CAST: variants seen among roughly 807,000 people sequenced by gnomAD.
CAST encodes the protein MIR583 host.
Under a neutral mutation model 119.6 loss-of-function variants are expected in CAST, and 76 were observed. The ratio of observed to expected loss-of-function variants is 0.64; its 90% confidence interval spans 0.53 to 0.77. The LOEUF (loss-of-function observed/expected upper bound fraction) is 0.77, where lower values mean the gene tolerates loss of function less well. Ranked by LOEUF, CAST falls within the 30% of genes least tolerant of loss-of-function variation. CAST has a pLI of 0.00. For missense variants in CAST, 953 were observed against 946.5 expected, an observed-to-expected ratio of 1.01 and a Z score of -0.09; for synonymous variants, 319 against 331.6, an observed-to-expected ratio of 0.96 and a Z score of 0.41.
chr5:96,398,725 AAC>A, the CAST span, among the ~76,000 whole-genome samples: 1 of 152,046 alleles, frequency 6.6e-6, no homozygotes, highest in Non-Finnish European at 1.5e-5. Flanking sequence ...AGGGAGATCT[AAC>A]ACCAAGAAAA....
chr5:96,170,454 T>C, the CAST span, among the ~76,000 whole-genome samples: 5 of 152,198 alleles, frequency 3.3e-5, no homozygotes, highest in African/African-American at 1.2e-4. Flanking sequence ...GGCAAGGAAT[T>C]GCAACTCAGA....
chr5:96,617,585 C>T (rs569055924), intron 1 of CAST, among the ~76,000 whole-genome samples: 197 of 151,690 alleles, frequency 1.3e-3, no homozygotes, highest in South Asian at 2.3e-3. Flanking sequence ...GTCAGGAGAT[C>T]GAGACCATCC....
At chr5:96,455,682 C>T in the CAST span, among the ~76,000 whole-genome samples, 1 of 152,208 alleles carries the variant, frequency 6.6e-6, no homozygotes, top group Non-Finnish European at 1.5e-5. Context: ...TCCCTCAGCT[C>T]CCAACCCTCT....
chr5:96,298,364 C>CCAATAA, the CAST span, among the ~76,000 whole-genome samples: 2 of 152,222 alleles, frequency 1.3e-5, no homozygotes, highest in Middle Eastern at 3.4e-3. Flanking sequence ...ATAAATTAAT[C>CCAATAA]TTTGTTTCAA....
chr5:96,330,923 C>G, the CAST span, among the ~76,000 whole-genome samples: 1 of 152,094 alleles, frequency 6.6e-6, no homozygotes, highest in African/African-American at 2.4e-5. Flanking sequence ...AAAGCAGTAA[C>G]TTCTGTGCTC....
At chr5:96,047,602 A>G in the CAST span, among the ~76,000 whole-genome samples, 3 of 152,216 alleles carry the variant, frequency 2.0e-5, no homozygotes, top group Admixed American at 6.5e-5. Flanking sequence ...ATAGGTGGGC[A>G]CTTTGAATAC....
At chr5:95,974,959 G>A in the CAST span, among the ~76,000 whole-genome samples, 1 of 152,142 alleles carries the variant, frequency 6.6e-6, no homozygotes, top group Non-Finnish European at 1.5e-5. Flanking sequence ...AATAACAATT[G>A]TCCTTACTTT....
At chr5:96,283,137 A>AAAAAAAAAAAAAG in the CAST span, among the ~76,000 whole-genome samples, 4 of 132,988 alleles carry the variant, frequency 3.0e-5, no homozygotes, top group African/African-American at 1.2e-4. Flanking sequence ...CTCAAAAAAA[A>AAAAAAAAAAAAAG]AAAAAAAAGA....
the CAST span, among the ~76,000 whole-genome samples, chr5:96,490,397 T>C: frequency 6.6e-6 from 1 of 151,364 alleles, no homozygotes; most frequent in Non-Finnish European, 1.5e-5. Context: ...AACAGACAAA[T>C]TGATATAGTA....
intron 1 of CAST, chr5:96,662,852 T>A (rs1343498968): frequency 2.5e-5 from 14 of 554,666 alleles, no homozygotes; most frequent in Non-Finnish European, 6.3e-6. Context: ...GACAGCGGGA[T>A]GTAGTCTTCC....
chr5:96,672,147 G>A (rs1750149953), intron 1 of CAST, among the ~76,000 whole-genome samples: 1 of 152,006 alleles, frequency 6.6e-6, no homozygotes, highest in African/African-American at 2.4e-5. Flanking sequence ...AAAAGTTTAG[G>A]GTTAAAATTT....
the CAST span, among the ~76,000 whole-genome samples, chr5:96,182,012 T>C: frequency 3.3e-5 from 5 of 152,380 alleles, no homozygotes; most frequent in East Asian, 5.8e-4. Flanking sequence ...ATAAGAGCTA[T>C]GTTAAATTCT....
chr5:96,547,018 G>A (rs1038156209), intron 1 of CAST, among the ~76,000 whole-genome samples: 13 of 152,204 alleles, frequency 8.5e-5, no homozygotes, highest in Non-Finnish European at 1.6e-4. Context: ...AACTGCTTTG[G>A]ATGATCCTTG....
the CAST span, among the ~76,000 whole-genome samples, chr5:96,129,653 C>T: frequency 2.0e-5 from 3 of 152,074 alleles, no homozygotes; most frequent in Non-Finnish European, 2.9e-5. Context: ...GTATTCACTA[C>T]TATTTCCCGA....
At chr5:96,628,370 A>G (rs1284422092) in intron 1 of CAST, among the ~76,000 whole-genome samples, 2 of 152,256 alleles carry the variant, frequency 1.3e-5, no homozygotes, top group African/African-American at 4.8e-5. Context: ...TTCTATAAAC[A>G]CACAGCATTC....
the CAST span, among the ~76,000 whole-genome samples, chr5:96,518,742 C>T: frequency 1.3e-5 from 2 of 152,120 alleles, no homozygotes; most frequent in African/African-American, 4.8e-5. Flanking sequence ...CTTAAAGAAT[C>T]GCTGTGAGGG....
chr5:96,131,753 G>C, the CAST span, among the ~76,000 whole-genome samples: 383 of 152,238 alleles, frequency 2.5e-3, 1 homozygote, highest in Non-Finnish European at 3.8e-3. Context: ...CTAGAAGTTG[G>C]GAAGAGTTCA....
intron 1 of CAST, among the ~76,000 whole-genome samples, chr5:96,537,914 C>G (rs1745847419): frequency 6.6e-6 from 1 of 152,114 alleles, no homozygotes; most frequent in Admixed American, 6.5e-5. Flanking sequence ...TCCTTTATAT[C>G]CATATTGATC....
the CAST span, among the ~76,000 whole-genome samples, chr5:96,002,119 T>C: frequency 3.9e-5 from 6 of 152,224 alleles, no homozygotes; most frequent in Non-Finnish European, 8.8e-5. Flanking sequence ...ATTTGGCAAA[T>C]GTACCATTTA....
Sources: allele counts gnomAD v4.1 joint callset (sites outside exome capture counted in the v4.1 genomes callset), GRCh38; gene constraint gnomAD v4.1.1; transcripts MANE v1.5; gene names NCBI Gene and HGNC (gene_info 2026-07-23, HGNC 2026-07-21).